The following RBM28 variants were observed in gnomAD, a reference collection of about 807,000 sequenced individuals.
The protein encoded by RBM28 is RNA binding motif protein 28.
Under a neutral mutation model 98.3 loss-of-function variants are expected in RBM28, and 78 were observed. The ratio of observed to expected loss-of-function variants is 0.79; its 90% confidence interval spans 0.66 to 0.96. The LOEUF (loss-of-function observed/expected upper bound fraction) is 0.96. Ranked by LOEUF, RBM28 falls within the 40% of genes least tolerant of loss-of-function variation. RBM28 has a pLI of 0.00. For missense variants in RBM28, 838 were observed against 913.0 expected (o/e 0.92, Z 1.06); for synonymous variants, 306 against 330.9 (o/e 0.92, Z 0.82).
intron 1 of RBM28, 58 bp from the exon 2 acceptor site, chr7:128,339,849 T>C (rs1442106009): frequency 1.3e-6 from 2 of 1,555,448 alleles, no homozygotes; most frequent in Admixed American, 3.5e-5. Context: ...GAGAGAATCA[T>C]AAGCCAAGAG....
intron 18 of RBM28, among the ~76,000 whole-genome samples, chr7:128,311,651 A>G (rs1795987751): frequency 6.6e-6 from 1 of 152,162 alleles, no homozygotes; most frequent in Non-Finnish European, 1.5e-5. Flanking sequence ...AGTAAGAATA[A>G]TGACAGTATT....
chr7:128,320,617 T>C (rs946866871), intron 14 of RBM28, among the ~76,000 whole-genome samples: 2 of 152,150 alleles, frequency 1.3e-5, no homozygotes, highest in Non-Finnish European at 2.9e-5. Flanking sequence ...AGAATCTAAC[T>C]AGGAGTAAAA....
rs999213570 is a variant in RBM28 at position 128,310,281 on chromosome 7, A to T, written c.*516T>A. ...GCCTGCAGCGATTAGGTTAGAAAGC[A>T]TTTCTCTCTGCTCTCGCTTAGACAG... is the stretch of plus-strand genomic sequence containing the variant. On this transcript the variant is annotated 3_prime_UTR_variant, in exon 19 of 19. Coordinates refer to ENST00000223073, the MANE Select transcript of RBM28 (RefSeq NM_018077.3). 6 of 172,770 alleles carry T rather than the reference A, an allele frequency of 3.5e-5. No individual in the cohort carries two copies. In the East Asian group the frequency reaches 9.7e-4, roughly 28 times the overall value. 10.7% of individuals were successfully genotyped at this position (172,770 alleles called of 1,614,324 possible).
chr7:128,323,717 G>T (rs191025394), intron 12 of RBM28, 126 bp from the exon 13 acceptor site: 2 of 1,035,730 alleles, frequency 1.9e-6, no homozygotes, highest in South Asian at 2.9e-5. Context: ...GCCAGGACAC[G>T]GTGGCATTTG....
In RBM28 at chr7:128,338,234, G is replaced by A; in HGVS notation, c.541+16C>T. The A allele has an allele frequency of 6.3e-7, 1 of 1,581,186 alleles. No individual in the cohort carries two copies. Among genetic ancestry groups the A allele is most frequent in the Non-Finnish European group, 8.7e-7 (1 of 1,149,928 alleles). On this transcript the variant is annotated intron_variant, in intron 5 of 18. Coordinates refer to ENST00000223073, the MANE Select transcript of RBM28 (RefSeq NM_018077.3). ...CAGAAATATCTGGGTCAATGATATGGGTATAGAAAGCTTACCTTTTATCTC... is the reference window on the plus strand; with the variant it reads ...CAGAAATATCTGGGTCAATGATATGAGTATAGAAAGCTTACCTTTTATCTC...
rs761040411 is a variant in RBM28, at chr7:128,310,915, G to T, written c.2162C>A (p.Ala721Asp). 5.6e-6 allele frequency: 9 copies of T among 1,613,244 alleles called. No homozygotes were observed. Among genetic ancestry groups the T allele is most frequent in the Non-Finnish European group, 7.6e-6 (9 of 1,179,206 alleles). ...LSSEQVSRKKAKGNKTETRFN... is the reference protein window; with the variant it reads ...LSSEQVSRKKDKGNKTETRFN... ...GCGGGTTTCCGTCTTATTTCCCTTA[G>T]CTTTTTTCCTAGATACCTACAAATG... The change falls in exon 19 of 19, where the codon GCT becomes GAT. Residue 721 changes from alanine to aspartate, a missense_variant. By Grantham distance (126) the Ala-to-Asp change is moderately radical. Coordinates refer to ENST00000223073, the MANE Select transcript of RBM28 (RefSeq NM_018077.3).
intron 16 of RBM28, 100 bp downstream of exon 16, chr7:128,317,559 C>A: frequency 1.1e-6 from 1 of 950,732 alleles, no homozygotes; most frequent in South Asian, 1.3e-5. Flanking sequence ...AGCAAAAAAA[C>A]CTAACTGAGG....
rs568994308 is a variant in RBM28, at chr7:128,319,309, A to C, written c.1564-1203T>G. On this transcript the variant is annotated intron_variant, in intron 14 of 18. Coordinates refer to ENST00000223073, the MANE Select transcript of RBM28 (RefSeq NM_018077.3). ...ACACTATACATACAAATAGGAAAGAATTAAGAGGAAAATTCAACATAATGC... is the reference window on the plus strand; with the variant it reads ...ACACTATACATACAAATAGGAAAGACTTAAGAGGAAAATTCAACATAATGC... 1.3e-4 allele frequency among the ~76,000 whole-genome samples: 20 copies of C among 152,352 alleles called. No individual in the cohort carries two copies. The South Asian group carries it at 3.7e-3, about 28-fold the overall frequency.
chr7:128,326,236 G>A (rs529253919), intron 10 of RBM28, among the ~76,000 whole-genome samples: 49 of 1,924 alleles, frequency 0.025, 1 homozygote, highest in South Asian at 0.18. Context: ...CCTGGGAGGC[G>A]GAGTTGCAGC....
At chr7:128,313,904 C>G (rs1796045342) in intron 17 of RBM28, among the ~76,000 whole-genome samples, 1 of 152,170 alleles carries the variant, frequency 6.6e-6, no homozygotes, top group Non-Finnish European at 1.5e-5. Context: ...AGAAGATGAG[C>G]AGCTGCTGTC....
chr7:128,332,585 CA>C lies in RBM28; in HGVS notation c.1019+704del, dbSNP rs544873662. Among the ~76,000 whole-genome samples, 46 of 152,232 alleles carry C rather than the reference CA, an allele frequency of 3.0e-4. No individual in the cohort carries two copies. In the South Asian group the frequency reaches 9.3e-3, roughly 31 times the overall value. On this transcript the variant is annotated intron_variant, in intron 9 of 18. Coordinates refer to ENST00000223073, the MANE Select transcript of RBM28 (RefSeq NM_018077.3). ...GGCCAGGCTGGTCTCGAATTGCCCT[CA>C]AGTGATCCATCTGCCTCAGCCTCCC... is the stretch of plus-strand genomic sequence containing the variant.
Position 128,318,073 on chromosome 7 carries a change from C to T in RBM28, c.1597G>A (p.Gly533Arg), listed in dbSNP as rs1287979739. ...RVMRDLKGVH[G>R]NMKGQSLGYA... ...CCCAGGGACTGACCCTTCATGTTCC[C>T]ATGAACTCCTTTGAGGTCTCGCATC... Residue 533 changes from glycine to arginine, a missense_variant, in exon 15 of 19, where the codon GGG becomes AGG. By Grantham distance (125) the Gly-to-Arg change is moderately radical. Coordinates refer to ENST00000223073, the MANE Select transcript of RBM28 (RefSeq NM_018077.3). The T allele has an allele frequency of 1.2e-6, 2 of 1,613,704 alleles. No homozygotes were observed. The highest frequency in any genetic ancestry group is 1.7e-6 in the Non-Finnish European group (2 of 1,179,596).
chr7:128,318,240 C>G (rs1474960953), intron 14 of RBM28, 134 bp from the exon 15 acceptor site: 2 of 929,274 alleles, frequency 2.2e-6, no homozygotes, highest in East Asian at 5.3e-5. Flanking sequence ...ATCCTAGCAC[C>G]TTGGGAGGCC....
chr7:128,339,312 T>C lies in RBM28; in HGVS notation c.287A>G (p.Glu96Gly), dbSNP rs1796670504. The C allele has an allele frequency of 5.6e-6, 9 of 1,609,474 alleles. No homozygotes were observed. Among genetic ancestry groups the C allele is most frequent in the Non-Finnish European group, 7.6e-6 (9 of 1,176,672 alleles). ...TKEKGKNENS[E>G]CPKKEPKAKK... The stretch of plus-strand genomic sequence containing the variant: ...AGCCTTCGGCTCCTTCTTTGGGCAC[T>C]CTGAGTTTTCTAAAAAATAAGAGGT... Residue 96 changes from glutamate to glycine, a missense_variant, in exon 3 of 19, where the codon GAG becomes GGG. By Grantham distance (98) the Glu-to-Gly change is moderately conservative. Coordinates refer to ENST00000223073, the MANE Select transcript of RBM28 (RefSeq NM_018077.3).
Position 128,301,203 on chromosome 7 carries a change from A to T in RBM28, c.*9594T>A, listed in dbSNP as rs1403539180. 1 of 152,160 alleles carries T rather than the reference A, an allele frequency of 6.6e-6. No homozygotes were observed. The highest frequency in any genetic ancestry group is 6.5e-5 in the Admixed American group (1 of 15,280). The allele number at this position is 152,160 out of a possible 1,614,324, so 9.4% of individuals were successfully genotyped here. ...ACACTGGGGACAAAAGACATCACAG[A>T]CCCTATCTCCCGTGCTCTTTTACAG... On this transcript the variant is annotated 3_prime_UTR_variant, in exon 19 of 19. Transcript: ENST00000223073.
In RBM28 at chr7:128,310,256, G is replaced by A. The variant is rs780253515; in HGVS notation, c.*541C>T. 33 of 165,266 alleles carry A rather than the reference G, an allele frequency of 2.0e-4. No individual in the cohort carries two copies. The highest frequency in any genetic ancestry group is 2.5e-4 in the Non-Finnish European group (19 of 75,688). The allele number at this position is 165,266 out of a possible 1,614,324, so 10.2% of individuals were successfully genotyped here. ...CCCCCATTCTTTTCCAAGTGTCTCC[G>A]CCTGCAGCGATTAGGTTAGAAAGCA... On this transcript the variant is annotated 3_prime_UTR_variant, in exon 19 of 19. Transcript: ENST00000223073.
At position 128,315,105 on chromosome 7, in the gene RBM28, G is replaced by C. The variant is rs895106164; in HGVS notation, c.1789-85C>G. 4.5e-6 allele frequency: 7 copies of C among 1,566,134 alleles called. No homozygotes were observed. In the Admixed American group the frequency reaches 1.0e-4, roughly 22 times the overall value. On this transcript the variant is annotated intron_variant, in intron 16 of 18. Coordinates refer to ENST00000223073, the MANE Select transcript of RBM28 (RefSeq NM_018077.3). ...TCAGCAGAAGATGAGCTTTATGTGAGCTAGATGAAAGAAGAGGAATTCTTC... is the reference window on the plus strand; with the variant it reads ...TCAGCAGAAGATGAGCTTTATGTGACCTAGATGAAAGAAGAGGAATTCTTC...
Position 128,333,152 on chromosome 7 carries a change from T to C in RBM28, c.1019+138A>G, listed in dbSNP as rs1184811648. 8 of 720,594 alleles carry C rather than the reference T, an allele frequency of 1.1e-5. No individual in the cohort carries two copies. In the East Asian group the frequency reaches 1.3e-4, roughly 12 times the overall value. The allele number at this position is 720,594 out of a possible 1,614,324, so 44.6% of individuals were successfully genotyped here. The stretch of plus-strand genomic sequence containing the variant: ...TCTGATTGTCCTACATTTCTCATTG[T>C]TTAGTATGTTCCTGGGACCAGATGT... On this transcript the variant is annotated intron_variant, in intron 9 of 18. Transcript: ENST00000223073.
chr7:128,334,063 T>C (rs1023246754), intron 8 of RBM28, among the ~76,000 whole-genome samples: 1 of 152,240 alleles, frequency 6.6e-6, no homozygotes, highest in Non-Finnish European at 1.5e-5. Flanking sequence ...ATTTTGCTTA[T>C]AAATGTATTA....
Sources: gnomAD v4.1 joint callset for allele counts (sites outside exome capture counted in the v4.1 genomes callset) on GRCh38, gnomAD v4.1.1 for gene constraint, MANE v1.5 for transcripts, NCBI Gene and HGNC (gene_info 2026-07-23, HGNC 2026-07-21) for gene names.